Variants in MGA observed in about 807,000 individuals in gnomAD.
MGA encodes MAX dimerization protein MGA, also known as MAX gene-associated protein.
MGA carries 40 observed loss-of-function variants against 261.1 expected under a neutral mutation model. That is an observed-to-expected ratio of 0.15 (90% CI 0.12 to 0.20). MGA has a LOEUF of 0.20. Ranked by LOEUF, MGA falls within the 10% of genes least tolerant of loss-of-function variation. The probability of loss-of-function intolerance (pLI) is 1.00; values close to 1 mark genes in which losing one functional copy is unlikely to be tolerated. For synonymous variants in MGA, 1,302 were observed against 1,290.6 expected, an observed-to-expected ratio of 1.01 and a Z score of -0.19; for missense variants, 3,397 against 3,630.5, an observed-to-expected ratio of 0.94 and a Z score of 1.65.
chr15:41,643,693 C>G (rs57359439), intron 1 of MGA, among the ~76,000 whole-genome samples: 39,731 of 151,522 alleles, frequency 0.26, 5,589 homozygotes, highest in Middle Eastern at 0.43. Flanking sequence ...GAATAATATA[C>G]AAAAGGTTTT....
At chr15:41,622,529 G>A (rs2140889999) in intron 1 of MGA, among the ~76,000 whole-genome samples, 1 of 152,080 alleles carries the variant, frequency 6.6e-6, no homozygotes, top group East Asian at 1.9e-4. Flanking sequence ...ACTTTATAGG[G>A]GCCCACGACC....
chr15:41,753,992 CA>C (rs2063000411), intron 17 of MGA, among the ~76,000 whole-genome samples: 3 of 152,090 alleles, frequency 2.0e-5, no homozygotes, highest in Admixed American at 1.3e-4. Context: ...AGTCTTGGGT[CA>C]CTGCAGCCTC....
At chr15:41,661,039 C>G (rs550790215) in intron 1 of MGA, among the ~76,000 whole-genome samples, 1 of 152,346 alleles carries the variant, frequency 6.6e-6, no homozygotes, top group South Asian at 2.1e-4. Context: ...GACACCTGTG[C>G]AAACGTCTTT....
rs1567115972 is a variant in MGA, at chr15:41,766,524, A to C, written c.8442A>C (p.Glu2814Asp). The C allele has an allele frequency of 6.2e-7, 1 of 1,613,996 alleles. No homozygotes were observed. The change falls in exon 24 of 24, where the codon GAA becomes GAC. Residue 2814 changes from glutamate (E) to aspartate (D), a missense_variant. Transcript: ENST00000219905. ...CCAGTGAACTGCTGACTAACATGGA[A>C]GATGAGGATGATACTGATGAGACAC...
chr15:41,750,627 A>G lies in MGA; in HGVS notation c.7008+12A>G, dbSNP rs200258384. ...ATGATGTAGAAAAGGTGGTGAGCCC[A>G]TTTTTGTTGTGACTGAAACCTAAAG... On this transcript the variant is annotated intron_variant, in intron 17 of 23. Transcript: ENST00000219905. 129 of 1,586,990 alleles carry G rather than the reference A, an allele frequency of 8.1e-5. No individual in the cohort carries two copies. Among genetic ancestry groups the G allele is most frequent in the Non-Finnish European group, 1.0e-4 (119 of 1,168,752 alleles).
chr15:41,633,397 A>G (rs1386952544), intron 1 of MGA, among the ~76,000 whole-genome samples: 3 of 143,954 alleles, frequency 2.1e-5, no homozygotes, highest in Non-Finnish European at 4.5e-5. Flanking sequence ...TCTGTTGCCC[A>G]GGCTGGAGTG....
At chr15:41,672,359 TG>T (rs1306474518) in intron 2 of MGA, among the ~76,000 whole-genome samples, 1 of 152,216 alleles carries the variant, frequency 6.6e-6, no homozygotes, top group Non-Finnish European at 1.5e-5. Flanking sequence ...TTTGCCATGT[TG>T]CCCAGGCTGG....
At chr15:41,647,722 T>G (rs2056961828) in intron 1 of MGA, among the ~76,000 whole-genome samples, 1 of 150,950 alleles carries the variant, frequency 6.6e-6, no homozygotes, top group Admixed American at 6.7e-5. Context: ...CTTTAGTTAC[T>G]TCCCAAATCT....
upstream of MGA, among the ~76,000 whole-genome samples, chr15:41,657,339 CTTTTTTTTTTTTTTTTTTT>C (rs373920516): frequency 1.2e-3 from 132 of 106,918 alleles, no homozygotes; most frequent in Admixed American, 1.9e-3. Context: ...AGTGAAGGCC[CTTTTTTTTTTTTTTTTTTT>C]TTTTTTTTTT....
intron 17 of MGA, among the ~76,000 whole-genome samples, chr15:41,753,045 G>T (rs2062940759): frequency 6.6e-6 from 1 of 152,178 alleles, no homozygotes; most frequent in African/African-American, 2.4e-5. Flanking sequence ...TTGGAATACT[G>T]TGAGGGAAGT....
chr15:41,737,960 A>T (rs1273662315), intron 13 of MGA, among the ~76,000 whole-genome samples: 3 of 151,960 alleles, frequency 2.0e-5, no homozygotes, highest in Non-Finnish European at 4.4e-5. Flanking sequence ...AGCTTGGGCA[A>T]CAGAGGGAGA....
intron 2 of MGA, among the ~76,000 whole-genome samples, chr15:41,691,234 C>A (rs2059269696): frequency 6.6e-6 from 1 of 151,868 alleles, no homozygotes; most frequent in Non-Finnish European, 1.5e-5. Flanking sequence ...TATAGTTTTC[C>A]ATGTATAAGT....
intron 14 of MGA, among the ~76,000 whole-genome samples, chr15:41,742,193 G>A (rs1276351077): frequency 2.6e-5 from 4 of 151,440 alleles, no homozygotes; most frequent in Admixed American, 2.0e-4. Flanking sequence ...TTCAAGACCA[G>A]CCTGACCAAC....
intron 15 of MGA, among the ~76,000 whole-genome samples, chr15:41,743,759 C>T (rs1023278357): frequency 1.3e-5 from 2 of 152,124 alleles, no homozygotes; most frequent in African/African-American, 4.8e-5. Context: ...TGAATCAGCA[C>T]CTATTTAATT....
chr15:41,672,051 G>T (rs1291288345), intron 2 of MGA, among the ~76,000 whole-genome samples: 1 of 152,144 alleles, frequency 6.6e-6, no homozygotes, highest in African/African-American at 2.4e-5. Flanking sequence ...TTTTACCCTT[G>T]TTATCCAGAA....
chr15:41,755,541 A>G (rs942609464), intron 18 of MGA, among the ~76,000 whole-genome samples: 6 of 152,234 alleles, frequency 3.9e-5, no homozygotes, highest in African/African-American at 1.4e-4. Context: ...AGTAACAGGA[A>G]AAATGCCGTG....
intron 19 of MGA, among the ~76,000 whole-genome samples, chr15:41,759,016 CA>C (rs1454005754): frequency 6.6e-6 from 1 of 151,944 alleles, no homozygotes; most frequent in Non-Finnish European, 1.5e-5. Flanking sequence ...TGTGAGAATA[CA>C]AATGACAAAT....
At chr15:41,746,219 C>T (rs925706889) in intron 15 of MGA, among the ~76,000 whole-genome samples, 3 of 152,070 alleles carry the variant, frequency 2.0e-5, no homozygotes, top group Non-Finnish European at 4.4e-5. Flanking sequence ...ATTAAGAATG[C>T]ATTAACATAT....
At chr15:41,759,101 A>G (rs1375245984) in intron 19 of MGA, among the ~76,000 whole-genome samples, 1 of 152,178 alleles carries the variant, frequency 6.6e-6, no homozygotes, top group Non-Finnish European at 1.5e-5. Context: ...CAAAGTAGAA[A>G]GGCAAGATAG....
Sources: allele counts gnomAD v4.1 joint callset (sites outside exome capture counted in the v4.1 genomes callset), GRCh38; gene constraint gnomAD v4.1.1; transcripts MANE v1.5; gene names NCBI Gene and HGNC (gene_info 2026-07-23, HGNC 2026-07-21).